FBXO31: variants seen among roughly 807,000 people sequenced by gnomAD.
The protein encoded by FBXO31 is F-box protein 31, also known as F-box only protein 31.
In FBXO31, 24 loss-of-function variants were observed where a neutral mutation model predicts 54.4. That is an observed-to-expected ratio of 0.44 (90% CI 0.32 to 0.62). The LOEUF (loss-of-function observed/expected upper bound fraction) is 0.62, where lower values mean the gene tolerates loss of function less well. Among genes scored for constraint, FBXO31 ranks in the 20% least tolerant of loss-of-function variants. The pLI, the probability that FBXO31 is intolerant of heterozygous loss-of-function variation, is 0.05. For synonymous variants in FBXO31, 388 were observed against 335.6 expected, an observed-to-expected ratio of 1.16 and a Z score of -1.71; for missense variants, 665 against 787.1, an observed-to-expected ratio of 0.84 and a Z score of 1.86.
intron 2 of FBXO31, among the ~76,000 whole-genome samples, chr16:87,352,202 A>G (rs1373077890): frequency 6.6e-6 from 1 of 152,220 alleles, no homozygotes; most frequent in Non-Finnish European, 1.5e-5. Context: ...TCTGTCAGTT[A>G]TAAAGAAATA....
At chr16:87,342,527 T>A (rs1355807057) in intron 5 of FBXO31, among the ~76,000 whole-genome samples, 1 of 152,122 alleles carries the variant, frequency 6.6e-6, no homozygotes, top group African/African-American at 2.4e-5. Context: ...GAACTCTGGG[T>A]GCAGCCCTCG....
intron 1 of FBXO31, among the ~76,000 whole-genome samples, chr16:87,380,445 G>T (rs185777394): frequency 6.6e-6 from 1 of 151,942 alleles, no homozygotes; most frequent in Admixed American, 6.6e-5. Context: ...TCTGTCACCC[G>T]GACTGGAGTG....
At chr16:87,378,173 A>G (rs1312448098) in intron 1 of FBXO31, among the ~76,000 whole-genome samples, 1 of 152,026 alleles carries the variant, frequency 6.6e-6, no homozygotes, top group African/African-American at 2.4e-5. Context: ...AAAAAAAACA[A>G]AACAAAACCA....
chr16:87,373,365 T>C (rs1369360408), intron 1 of FBXO31, among the ~76,000 whole-genome samples: 1 of 151,966 alleles, frequency 6.6e-6, no homozygotes, highest in Non-Finnish European at 1.5e-5. Flanking sequence ...GGCAGGAGAA[T>C]GGCGTGAACC....
chr16:87,354,457 A>C (rs945390668), intron 2 of FBXO31, among the ~76,000 whole-genome samples: 2 of 148,002 alleles, frequency 1.4e-5, no homozygotes, highest in African/African-American at 4.9e-5. Context: ...CAACAGAGCG[A>C]GATCCTGTCT....
At chr16:87,359,850 T>C (rs74038750) in intron 2 of FBXO31, among the ~76,000 whole-genome samples, 1,687 of 152,264 alleles carry the variant, frequency 0.011, 33 homozygotes, top group African/African-American at 0.039. Flanking sequence ...GGGCTCAGCC[T>C]GCTCACAGAA....
In FBXO31 at chr16:87,328,770, G is replaced by C. The variant is rs1904736954; in HGVS notation, c.*2518C>G. On this transcript the variant is annotated 3_prime_UTR_variant, in exon 9 of 9. Coordinates refer to ENST00000311635, the MANE Select transcript of FBXO31 (RefSeq NM_024735.5). Reference sequence around the variant, plus strand: ...CCCCAGAGTGAGACAGCGACAGAAAGGCATCCGTGGTGCAAAAGATGGAGA... The same window carrying C: ...CCCCAGAGTGAGACAGCGACAGAAACGCATCCGTGGTGCAAAAGATGGAGA... 1 of 152,310 alleles carries C rather than the reference G, an allele frequency of 6.6e-6. No individual in the cohort carries two copies. The highest frequency in any genetic ancestry group is 2.1e-4 in the South Asian group (1 of 4,822). The allele number at this position is 152,310 out of a possible 1,614,324, so 9.4% of individuals were successfully genotyped here.
chr16:87,358,252 C>G lies in FBXO31; in HGVS notation c.412+2043G>C, dbSNP rs1461798845. Among the ~76,000 whole-genome samples, 1 of 151,942 alleles carries G rather than the reference C, an allele frequency of 6.6e-6. No homozygotes were observed. The highest frequency in any genetic ancestry group is 1.9e-4 in the East Asian group (1 of 5,178). On this transcript the variant is annotated intron_variant, in intron 2 of 8. Transcript: ENST00000311635. This position sits in a 1 kb window ranked among gnomAD's most constrained non-coding sequence, Gnocchi z 4.0. ...GATCTCTGTCACAGCTGAAGCAGAG[C>G]CACGCTGCAGCAAGTGAACGTGAAA...
upstream of FBXO31, chr16:87,392,056 G>C (rs1209378762): frequency 4.9e-6 from 1 of 205,388 alleles, no homozygotes; most frequent in Non-Finnish European, 9.7e-6. Flanking sequence ...CACAGACCCG[G>C]GGTGCGGCCC....
At chr16:87,368,948 C>T (rs1207041504) in intron 1 of FBXO31, among the ~76,000 whole-genome samples, 1 of 152,022 alleles carries the variant, frequency 6.6e-6, no homozygotes, top group Non-Finnish European at 1.5e-5. Context: ...TACACGTGCC[C>T]GCCACCACAC....
In FBXO31 at chr16:87,328,830, C is replaced by T. The variant is rs1904739354; in HGVS notation, c.*2458G>A. 6.6e-6 allele frequency: 1 copy of T among 152,296 alleles called. No individual in the cohort carries two copies. Among genetic ancestry groups the T allele is most frequent in the South Asian group, 2.1e-4 (1 of 4,836 alleles). The allele number at this position is 152,296 out of a possible 1,614,324, so 9.4% of individuals were successfully genotyped here. ...TCCCAACTCCACCTGCCACCTTCCC[C>T]AATCAAGCCTAATGCGCTTGGCTGT... On this transcript the variant is annotated 3_prime_UTR_variant, in exon 9 of 9. Coordinates refer to ENST00000311635, the MANE Select transcript of FBXO31 (RefSeq NM_024735.5).
chr16:87,359,660 C>T (rs1906047856), intron 2 of FBXO31, among the ~76,000 whole-genome samples: 1 of 152,216 alleles, frequency 6.6e-6, no homozygotes, highest in African/African-American at 2.4e-5. Flanking sequence ...CACAGAAACC[C>T]TCTGACCATC....
chr16:87,373,403 G>A (rs1306873101), intron 1 of FBXO31, among the ~76,000 whole-genome samples: 1 of 152,106 alleles, frequency 6.6e-6, no homozygotes, highest in Non-Finnish European at 1.5e-5. Flanking sequence ...AGTGAGCCGA[G>A]ATCGCGCCAC....
In FBXO31 at chr16:87,334,379, G is replaced by A. The variant is rs542789856; in HGVS notation, c.997-93C>T. On this transcript the variant is annotated intron_variant, in intron 7 of 8. Transcript: ENST00000311635. ...AGCCCAGATCCACCTCTGGCTGAGC[G>A]AGCTGGCACCAGCCCTCCTACTGAC... is the stretch of plus-strand genomic sequence containing the variant. The A allele has an allele frequency of 3.8e-5, 46 of 1,219,104 alleles. 3 individuals carry two copies. In the South Asian group the frequency reaches 5.1e-4, roughly 13 times the overall value. The allele number at this position is 1,219,104 out of a possible 1,614,324, so 75.5% of individuals were successfully genotyped here.
chr16:87,383,791 G>A (rs1907201097), upstream of FBXO31: 1 of 1,154,784 alleles, frequency 8.7e-7, no homozygotes, highest in Non-Finnish European at 1.1e-6. The surrounding 1 kb of genome is among the most constrained non-coding windows in gnomAD (Gnocchi z 4.9). Flanking sequence ...ACGCTCCAGC[G>A]CGGCCCCGCC....
intron 1 of FBXO31, among the ~76,000 whole-genome samples, chr16:87,373,538 CT>C (rs34487839): frequency 7.5e-5 from 11 of 146,816 alleles, no homozygotes; most frequent in Non-Finnish European, 7.5e-5. Flanking sequence ...GCCAACTTTT[CT>C]TTTTTTTTTT....
intron 2 of FBXO31, among the ~76,000 whole-genome samples, chr16:87,352,253 G>A (rs2150680584): frequency 6.6e-6 from 1 of 152,162 alleles, no homozygotes; most frequent in South Asian, 2.1e-4. Context: ...CAACTACACA[G>A]GAAAACCAAC....
At position 87,346,241 on chromosome 16, in the gene FBXO31, A is replaced by C. The variant is rs963040678; in HGVS notation, c.489+933T>G. ...TGCGCAGAGCAGGTGCCCTGACTCC[A>C]CTTTGCCCGCAGGCCGGGGCCAGGG... On this transcript the variant is annotated intron_variant, in intron 3 of 8. Transcript: ENST00000311635. This position sits in a 1 kb window ranked among gnomAD's most constrained non-coding sequence, Gnocchi z 4.2. Among the ~76,000 whole-genome samples, 8 of 152,048 alleles carry C rather than the reference A, an allele frequency of 5.3e-5. No individual in the cohort carries two copies. Among genetic ancestry groups the C allele is most frequent in the Non-Finnish European group, 8.8e-5 (6 of 67,980 alleles).
Position 87,335,544 on chromosome 16 carries a change from G to T in FBXO31, c.843-87C>A. On this transcript the variant is annotated intron_variant, in intron 6 of 8. Transcript: ENST00000311635. This position sits in a 1 kb window ranked among gnomAD's most constrained non-coding sequence, Gnocchi z 5.7. ...CAAGGTGCCAGGGATGAGCTTTGCA[G>T]GGCGGGGTAGGGCGGGCAGCTCAGC... is the stretch of plus-strand genomic sequence containing the variant. The T allele has an allele frequency of 9.0e-7, 1 of 1,114,076 alleles. No individual in the cohort carries two copies. Among genetic ancestry groups the T allele is most frequent in the Non-Finnish European group, 1.3e-6 (1 of 792,802 alleles). 69.0% of individuals were successfully genotyped at this position (1,114,076 alleles called of 1,614,324 possible). A position where few individuals can be genotyped will look rare whatever the true frequency, so the allele number is the denominator to read the frequency against.
Sources: allele counts gnomAD v4.1 joint callset (sites outside exome capture counted in the v4.1 genomes callset), GRCh38; gene constraint gnomAD v4.1.1; non-coding constraint Gnocchi (gnomAD v3.1); transcripts MANE v1.5; gene names NCBI Gene and HGNC (gene_info 2026-07-23, HGNC 2026-07-21).